TOP1: variants seen among roughly 807,000 people sequenced by gnomAD.
The protein encoded by TOP1 is DNA topoisomerase 1.
Under a neutral mutation model 111.1 loss-of-function variants are expected in TOP1, and 10 were observed. The ratio of observed to expected loss-of-function variants is 0.09; its 90% CI spans 0.06 to 0.15. The LOEUF (loss-of-function observed/expected upper bound fraction) is 0.15. Among genes scored for constraint, TOP1 ranks in the 10% least tolerant of loss-of-function variants. The pLI is 1.00. For missense variants in TOP1, 474 were observed against 926.7 expected (o/e 0.51, Z 6.34); for synonymous variants, 271 against 302.9 (o/e 0.89, Z 1.10).
chr20:41,114,732 C>T lies in TOP1; in HGVS notation c.1638+577C>T, dbSNP rs2034301642. ...AATGTTAGTCCCCAGATCTCTGAGC[C>T]CATCACTGAAGAGGGTACTATAGCT... On this transcript the variant is annotated intron_variant, in intron 15 of 20. Transcript: ENST00000361337. The surrounding 1 kb of genome is among the most constrained non-coding windows in gnomAD (Gnocchi z 4.5). 6.6e-6 allele frequency among the ~76,000 whole-genome samples: 1 copy of T among 152,158 alleles called. No homozygotes were observed. Among genetic ancestry groups the T allele is most frequent in the South Asian group, 2.1e-4 (1 of 4,832 alleles).
chr20:41,077,019 A>AGGG (rs2033735678), intron 4 of TOP1, among the ~76,000 whole-genome samples: 1 of 152,216 alleles, frequency 6.6e-6, no homozygotes, highest in Admixed American at 6.5e-5. Context: ...AGGAAGTCAA[A>AGGG]GGGGAGGGGG....
Position 41,086,169 on chromosome 20 carries a change from A to G in TOP1, c.614+1601A>G, listed in dbSNP as rs182214347. Among the ~76,000 whole-genome samples the G allele has an allele frequency of 3.9e-5, 6 of 152,000 alleles. No individual in the cohort carries two copies. In the East Asian group the frequency reaches 1.2e-3, roughly 30 times the overall value. On this transcript the variant is annotated intron_variant, in intron 8 of 20. Coordinates refer to ENST00000361337, the MANE Select transcript of TOP1 (RefSeq NM_003286.4). ...TCCCAGCTACTTGGGAAGTTGAGGC[A>G]GGAGAATTGCTTGAACCTGGGAGGC...
chr20:41,054,406 C>A (rs750902490), intron 2 of TOP1, among the ~76,000 whole-genome samples: 4 of 152,144 alleles, frequency 2.6e-5, no homozygotes, highest in Non-Finnish European at 4.4e-5. Context: ...TTTCCTGAGG[C>A]CTTCCCAGCT....
chr20:41,073,164 C>T (rs573417513), intron 3 of TOP1: 25 of 985,096 alleles, frequency 2.5e-5, no homozygotes, highest in Non-Finnish European at 3.0e-5. Context: ...AGCTGAAAAC[C>T]GCAGGGCTAC....
rs142977777 is a variant in TOP1, at chr20:41,036,633, G to A, written c.58+7178G>A. On this transcript the variant is annotated intron_variant, in intron 2 of 20. Coordinates refer to ENST00000361337, the MANE Select transcript of TOP1 (RefSeq NM_003286.4). ...AGTCTGTCTTTCATTGGTATTCCCT[G>A]TTAAAGTTTTAAATCTTCTTGACAT... Among the ~76,000 whole-genome samples the A allele has an allele frequency of 1.8e-4, 27 of 152,142 alleles. No individual in the cohort carries two copies. The East Asian group carries it at 3.7e-3, about 21-fold the overall frequency.
rs1600576333 is a variant in TOP1 at position 41,080,001 on chromosome 20, T to C, written c.336-84T>C. On this transcript the variant is annotated intron_variant, in intron 5 of 20. Coordinates refer to ENST00000361337, the MANE Select transcript of TOP1 (RefSeq NM_003286.4). The surrounding 1 kb of genome is among the most constrained non-coding windows in gnomAD (Gnocchi z 5.0). ...TTATCCTTATTTCTGTTAGCTTCTT[T>C]TCAACGAAATGACATATTCCTTCTT... 1 of 844,136 alleles carries C rather than the reference T, an allele frequency of 1.2e-6. No homozygotes were observed. The highest frequency in any genetic ancestry group is 2.5e-5 in the East Asian group (1 of 40,236). 52.3% of individuals were successfully genotyped at this position (844,136 alleles called of 1,614,324 possible). A position where few individuals can be genotyped will look rare whatever the true frequency, so the allele number is the denominator to read the frequency against.
chr20:41,052,688 T>C (rs1488355659), intron 2 of TOP1, among the ~76,000 whole-genome samples: 1 of 152,142 alleles, frequency 6.6e-6, no homozygotes, highest in African/African-American at 2.4e-5. Context: ...TATCTATAAC[T>C]TTTTTAAAAG....
chr20:41,041,792 T>C (rs1356105868), intron 2 of TOP1, among the ~76,000 whole-genome samples: 1 of 152,224 alleles, frequency 6.6e-6, no homozygotes, highest in African/African-American at 2.4e-5. Flanking sequence ...GAGAAGTTGA[T>C]CTATCTGAAC....
intron 3 of TOP1, among the ~76,000 whole-genome samples, chr20:41,062,988 G>T (rs1198436751): frequency 1.3e-5 from 2 of 151,994 alleles, no homozygotes; most frequent in East Asian, 3.9e-4. Flanking sequence ...AGGCAACTTT[G>T]TTACCTGGGT....
Position 41,101,095 on chromosome 20 carries a change from G to C in TOP1, c.1164-114G>C. The C allele has an allele frequency of 8.7e-7, 1 of 1,153,270 alleles. No individual in the cohort carries two copies. The highest frequency in any genetic ancestry group is 1.3e-6 in the Non-Finnish European group (1 of 791,550). 71.4% of individuals were successfully genotyped at this position (1,153,270 alleles called of 1,614,324 possible). On this transcript the variant is annotated intron_variant, in intron 12 of 20. Coordinates refer to ENST00000361337, the MANE Select transcript of TOP1 (RefSeq NM_003286.4). The surrounding 1 kb of genome is among the most constrained non-coding windows in gnomAD (Gnocchi z 4.1). ...ATAAGGTGGGACTACTGTATTGACT[G>C]TTAAGAAGGAAACTTGGAAAATTAT...
In TOP1 at chr20:41,102,440, TC is replaced by T. The variant is rs1444868138; in HGVS notation, c.1308+1088del. Among the ~76,000 whole-genome samples, 2 of 152,144 alleles carry T rather than the reference TC, an allele frequency of 1.3e-5. No homozygotes were observed. Among genetic ancestry groups the T allele is most frequent in the Non-Finnish European group, 2.9e-5 (2 of 68,036 alleles). On this transcript the variant is annotated intron_variant, in intron 13 of 20. Coordinates refer to ENST00000361337, the MANE Select transcript of TOP1 (RefSeq NM_003286.4). This position sits in a 1 kb window ranked among gnomAD's most constrained non-coding sequence, Gnocchi z 4.0. ...GCCTGGACAACATGGCGAAACCCTG[TC>T]TCTACTAAAAATACAAAAATTAGCC...
Position 41,101,217 on chromosome 20 carries a change from A to C in TOP1, c.1172A>C (p.Lys391Thr), listed in dbSNP as rs554637067. The change falls in exon 13 of 21, where the codon AAG (lysine) becomes ACG (threonine). Residue 391 changes from lysine (K) to threonine (T), a missense_variant. Physicochemically the swap from Lys to Thr is moderately conservative, Grantham distance 78. This residue lies in a region of TOP1 where 22 missense variants were observed against 30.4 expected (regional missense o/e 0.72). Transcript: ENST00000361337. This position sits in a 1 kb window ranked among gnomAD's most constrained non-coding sequence, Gnocchi z 4.1. Reference sequence around the variant, plus strand: ...TGCTCTGTTATTTCCAGAGATGCCAAGGTTCCTTCTCCTCCTCCAGGACAT... The same window carrying C: ...TGCTCTGTTATTTCCAGAGATGCCACGGTTCCTTCTCCTCCTCCAGGACAT... ...DIIINCSKDAKVPSPPPGHKW... is the reference protein window; with the variant it reads ...DIIINCSKDATVPSPPPGHKW... 6.2e-7 allele frequency: 1 copy of C among 1,614,084 alleles called. No individual in the cohort carries two copies. The highest frequency in any genetic ancestry group is 1.7e-5 in the Admixed American group (1 of 60,014).
rs550833617 is a variant in TOP1 at position 41,096,030 on chromosome 20, T to A, written c.731-1190T>A. Among the ~76,000 whole-genome samples, 6 of 152,330 alleles carry A rather than the reference T, an allele frequency of 3.9e-5. No homozygotes were observed. The South Asian group carries it at 1.2e-3, about 32-fold the overall frequency. On this transcript the variant is annotated intron_variant, in intron 9 of 20. Coordinates refer to ENST00000361337, the MANE Select transcript of TOP1 (RefSeq NM_003286.4). Reference sequence around the variant, plus strand: ...GCCCTATTCAGATTTTCTTTACCAGTTAGCAGCTTTCATTGTGAAAACATC... The same window carrying A: ...GCCCTATTCAGATTTTCTTTACCAGATAGCAGCTTTCATTGTGAAAACATC...
chr20:41,072,080 G>A (rs955703144), intron 3 of TOP1, among the ~76,000 whole-genome samples: 1 of 152,172 alleles, frequency 6.6e-6, no homozygotes, highest in Admixed American at 6.5e-5. Context: ...AGACAAAAAA[G>A]GCAACCCTGA....
chr20:41,070,736 T>C (rs149554123), intron 3 of TOP1, among the ~76,000 whole-genome samples: 16 of 152,328 alleles, frequency 1.1e-4, no homozygotes, highest in Non-Finnish European at 2.1e-4. Context: ...GGGCTGTTAG[T>C]GGCTAAGTCC....
At chr20:41,056,554 T>C (rs747066406) in intron 2 of TOP1, among the ~76,000 whole-genome samples, 48 of 152,182 alleles carry the variant, frequency 3.2e-4, no homozygotes, top group Admixed American at 2.6e-4. Context: ...GATGTAATCA[T>C]AGCTCCATCC....
chr20:41,103,406 A>C (rs564598335), intron 13 of TOP1, among the ~76,000 whole-genome samples: 1 of 152,314 alleles, frequency 6.6e-6, no homozygotes, highest in South Asian at 2.1e-4. Context: ...GCCAGCTTTA[A>C]ATGCCATGTT....
Position 41,116,282 on chromosome 20 carries a change from G to T in TOP1, c.1712G>T (p.Gly571Val). The part of the protein sequence containing the change: ...EDDLFDRLNT[G>V]ILNKHLQDLM... Reference sequence around the variant, plus strand: ...CTGTTGCTTTGTCTCCTCCAGACTGGTATTCTGAATAAGCATCTTCAGGAT... The same window carrying T: ...CTGTTGCTTTGTCTCCTCCAGACTGTTATTCTGAATAAGCATCTTCAGGAT... The change falls in exon 17 of 21, where the codon GGT (glycine) becomes GTT (valine). Residue 571 changes from glycine to valine, a missense_variant. Transcript: ENST00000361337. The surrounding 1 kb of genome is among the most constrained non-coding windows in gnomAD (Gnocchi z 5.6). 6.2e-7 allele frequency: 1 copy of T among 1,609,508 alleles called. No individual in the cohort carries two copies. The highest frequency in any genetic ancestry group is 8.5e-7 in the Non-Finnish European group (1 of 1,177,374).
rs1013295520 is a variant in TOP1, at chr20:41,101,117, T to C, written c.1164-92T>C. 17 of 1,407,092 alleles carry C rather than the reference T, an allele frequency of 1.2e-5. No homozygotes were observed. In the African/African-American group the frequency reaches 2.3e-4, roughly 19 times the overall value. The allele number at this position is 1,407,092 out of a possible 1,614,324, so 87.2% of individuals were successfully genotyped here. A position where few individuals can be genotyped will look rare whatever the true frequency, so the allele number is the denominator to read the frequency against. ...ACTGTTAAGAAGGAAACTTGGAAAA[T>C]TATGCTCAGCAGATAGGTCCACTTG... On this transcript the variant is annotated intron_variant, in intron 12 of 20. Coordinates refer to ENST00000361337, the MANE Select transcript of TOP1 (RefSeq NM_003286.4). The surrounding 1 kb of genome is among the most constrained non-coding windows in gnomAD (Gnocchi z 4.1).
Sources: allele counts gnomAD v4.1 joint callset (sites outside exome capture counted in the v4.1 genomes callset), GRCh38; gene constraint gnomAD v4.1.1; regional missense constraint gnomAD v4.1.1; non-coding constraint Gnocchi (gnomAD v3.1); transcripts MANE v1.5; gene names NCBI Gene and HGNC (gene_info 2026-07-23, HGNC 2026-07-21).